Variants in NR6A1 observed in about 807,000 individuals in gnomAD.
NR6A1 encodes the protein retinoic acid receptor-related testis-associated receptor.
In NR6A1, 7 loss-of-function variants were observed where a neutral mutation model predicts 59.1. The ratio of observed to expected loss-of-function variants is 0.12; its 90% CI spans 0.07 to 0.22. NR6A1 has a LOEUF of 0.22. NR6A1 is among the 10% of genes least tolerant of loss of function. The pLI is 1.00. For missense variants in NR6A1, 468 were observed against 611.6 expected (o/e 0.77, Z 2.48); for synonymous variants, 243 against 236.1 (o/e 1.03, Z -0.27).
intron 2 of NR6A1, among the ~76,000 whole-genome samples, chr9:124,587,423 CAG>C (rs1186319634): frequency 6.6e-6 from 1 of 152,168 alleles, no homozygotes; most frequent in Non-Finnish European, 1.5e-5. Context: ...TGAGCCAGCC[CAG>C]AGACCTTGTG....
At chr9:124,575,984 G>A (rs60827229) in intron 2 of NR6A1, among the ~76,000 whole-genome samples, 2,763 of 152,244 alleles carry the variant, frequency 0.018, 76 homozygotes, top group African/African-American at 0.062. Context: ...GCCTCCAAGC[G>A]ATTCATCTGA....
chr9:124,705,234 T>C (rs977893044), intron 2 of NR6A1, among the ~76,000 whole-genome samples: 2 of 152,248 alleles, frequency 1.3e-5, no homozygotes, highest in Non-Finnish European at 2.9e-5. Flanking sequence ...GTCTTTTATA[T>C]TCTTGCTAAT....
intron 2 of NR6A1, 101 bp downstream of exon 2, chr9:124,733,205 CAA>C: frequency 1.2e-6 from 1 of 815,788 alleles, no homozygotes; most frequent in Non-Finnish European, 2.1e-6. Flanking sequence ...ATCTGAGAGT[CAA>C]TAAAGTAAGG....
At chr9:124,604,768 C>T (rs946559907) in intron 2 of NR6A1, among the ~76,000 whole-genome samples, 2 of 151,740 alleles carry the variant, frequency 1.3e-5, no homozygotes, top group African/African-American at 4.8e-5. Context: ...GAGCAGAGAT[C>T]GTGTCACTGC....
chr9:124,530,236 T>C (rs1588640074), intron 7 of NR6A1, among the ~76,000 whole-genome samples: 1 of 151,958 alleles, frequency 6.6e-6, no homozygotes. Flanking sequence ...TTTCCAAAAT[T>C]CCTCCAACAG....
At chr9:124,729,102 G>C (rs991462155) in intron 2 of NR6A1, among the ~76,000 whole-genome samples, 3 of 152,124 alleles carry the variant, frequency 2.0e-5, no homozygotes, top group Non-Finnish European at 2.9e-5. Context: ...TCTAGATTAA[G>C]CCAGTTTAGG....
Position 124,733,366 on chromosome 9 carries a change from A to T in NR6A1, c.101-17T>A, listed in dbSNP as rs1839936484. 2 of 1,605,846 alleles carry T rather than the reference A, an allele frequency of 1.2e-6. No homozygotes were observed. The highest frequency in any genetic ancestry group is 1.7e-5 in the Admixed American group (1 of 59,974). ...GACAGAAACCTAAAGAGAAAACAAT[A>T]GGAAAAAAAATTACAATTTGTGAAT... On this transcript the variant is annotated splice_polypyrimidine_tract_variant and intron_variant, in intron 1 of 9. Coordinates refer to ENST00000487099, the MANE Select transcript of NR6A1 (RefSeq NM_033334.4).
At chr9:124,566,389 T>C (rs1249286991) in intron 2 of NR6A1, among the ~76,000 whole-genome samples, 1 of 152,188 alleles carries the variant, frequency 6.6e-6, no homozygotes, top group East Asian at 1.9e-4. Flanking sequence ...AGTATTAATA[T>C]TTCATAATTA....
At chr9:124,680,600 G>A (rs1328067392) in intron 2 of NR6A1, among the ~76,000 whole-genome samples, 1 of 152,114 alleles carries the variant, frequency 6.6e-6, no homozygotes, top group Non-Finnish European at 1.5e-5. Flanking sequence ...TAAATACTAT[G>A]GTAAAGCTCC....
chr9:124,526,679 G>A (rs1832947285), intron 8 of NR6A1, 100 bp downstream of exon 8: 1 of 1,525,662 alleles, frequency 6.6e-7, no homozygotes, highest in East Asian at 2.3e-5. Context: ...TGGATTCTGT[G>A]TGATAGTCCT....
intron 2 of NR6A1, among the ~76,000 whole-genome samples, chr9:124,621,723 AAGTTTAATTTGAACAT>A (rs1836083197): frequency 6.6e-6 from 1 of 152,200 alleles, no homozygotes; most frequent in Admixed American, 6.5e-5. Context: ...AATTTTTTAA[AAGTTTAATTTGAACAT>A]ACTGTAAATG....
chr9:124,646,448 C>T (rs1018665831), intron 2 of NR6A1, among the ~76,000 whole-genome samples: 6 of 151,924 alleles, frequency 3.9e-5, no homozygotes, highest in African/African-American at 1.5e-4. Context: ...CTCAATAAAG[C>T]TCAAAAAAAT....
chr9:124,626,011 CATTT>C (rs1465928832), intron 2 of NR6A1, among the ~76,000 whole-genome samples: 1 of 152,216 alleles, frequency 6.6e-6, no homozygotes, highest in South Asian at 2.1e-4. Flanking sequence ...TGTCTTTATT[CATTT>C]ATTTATTTTT....
intron 3 of NR6A1, among the ~76,000 whole-genome samples, chr9:124,551,022 C>A (rs1382438158): frequency 6.6e-6 from 1 of 152,204 alleles, no homozygotes; most frequent in African/African-American, 2.4e-5. Flanking sequence ...AGGTTGGCTT[C>A]TGTGCCCTTT....
chr9:124,535,531 C>T (rs73579809), intron 7 of NR6A1, among the ~76,000 whole-genome samples: 20,156 of 152,156 alleles, frequency 0.13, 3,623 homozygotes, highest in African/African-American at 0.4. Flanking sequence ...TGAGCCAAGA[C>T]TGCGCCACTA....
At chr9:124,665,863 T>C (rs1222875560) in intron 2 of NR6A1, among the ~76,000 whole-genome samples, 1 of 152,208 alleles carries the variant, frequency 6.6e-6, no homozygotes, top group Non-Finnish European at 1.5e-5. Context: ...CTACAGAGTG[T>C]CTAAATATTA....
At chr9:124,597,561 A>G (rs192190252) in intron 2 of NR6A1, among the ~76,000 whole-genome samples, 1 of 152,266 alleles carries the variant, frequency 6.6e-6, no homozygotes, top group East Asian at 1.9e-4. Context: ...ATGAATAAGG[A>G]GCTATTAGTC....
At chr9:124,571,212 C>G (rs1834428820) in intron 2 of NR6A1, among the ~76,000 whole-genome samples, 1 of 152,136 alleles carries the variant, frequency 6.6e-6, no homozygotes, top group Admixed American at 6.5e-5. Flanking sequence ...AGAGTACAGA[C>G]AAAAGGGCTT....
At chr9:124,618,245 G>C (rs530036162) in intron 2 of NR6A1, among the ~76,000 whole-genome samples, 1 of 152,314 alleles carries the variant, frequency 6.6e-6, no homozygotes, top group East Asian at 1.9e-4. Context: ...ACTTTGGGAG[G>C]CTGAGGTAGG....
Sources: allele counts gnomAD v4.1 joint callset (sites outside exome capture counted in the v4.1 genomes callset), GRCh38; gene constraint gnomAD v4.1.1; transcripts MANE v1.5; gene names NCBI Gene and HGNC (gene_info 2026-07-23, HGNC 2026-07-21).